Variants in AFF3 observed in about 807,000 individuals in gnomAD.
AFF3 encodes AF4/FMR2 family member 3.
In AFF3, 32 loss-of-function variants were observed where a neutral mutation model predicts 129.7. The ratio of observed to expected loss-of-function variants is 0.25; its 90% confidence interval spans 0.19 to 0.33. The LOEUF (loss-of-function observed/expected upper bound fraction) is 0.33, where lower values mean the gene tolerates loss of function less well. Ranked by LOEUF, AFF3 falls within the 10% of genes least tolerant of loss-of-function variation. The pLI, the probability that AFF3 is intolerant of heterozygous loss-of-function variation, is 1.00. For synonymous variants in AFF3, 644 were observed against 635.4 expected (o/e 1.01, Z -0.20); for missense variants, 1,373 against 1,592.0 (o/e 0.86, Z 2.34).
intron 11 of AFF3, among the ~76,000 whole-genome samples, chr2:99,722,114 T>C (rs1332954673): frequency 6.6e-6 from 1 of 152,240 alleles, no homozygotes; most frequent in Admixed American, 6.5e-5. Flanking sequence ...TTGGTTTCCA[T>C]TATCCTGCTG....
intron 4 of AFF3, among the ~76,000 whole-genome samples, chr2:100,047,870 G>A (rs1685964467): frequency 6.6e-6 from 1 of 152,156 alleles, no homozygotes; most frequent in African/African-American, 2.4e-5. Flanking sequence ...AACAAACACT[G>A]ATTCAAGGCA....
chr2:99,559,424 AC>A (rs1180690687), intron 21 of AFF3, among the ~76,000 whole-genome samples: 10 of 152,208 alleles, frequency 6.6e-5, no homozygotes, highest in Non-Finnish European at 1.3e-4. Context: ...TACTTTATAA[AC>A]AACAAAAACA....
intron 4 of AFF3, among the ~76,000 whole-genome samples, chr2:100,028,480 A>G (rs769073408): frequency 6.6e-6 from 1 of 151,564 alleles, no homozygotes; most frequent in East Asian, 1.9e-4. Flanking sequence ...GACACAGGAA[A>G]GGCTCATAAT....
At chr2:99,821,046 T>C (rs1687639282) in intron 8 of AFF3, among the ~76,000 whole-genome samples, 1 of 151,926 alleles carries the variant, frequency 6.6e-6, no homozygotes, top group Admixed American at 6.6e-5. Flanking sequence ...CTGATTTTTG[T>C]ATTTTTAGTA....
At chr2:100,014,972 T>A (rs1358331279) in intron 4 of AFF3, among the ~76,000 whole-genome samples, 1 of 133,686 alleles carries the variant, frequency 7.5e-6, no homozygotes, top group Non-Finnish European at 1.6e-5. Flanking sequence ...TTTTTTTTTT[T>A]TTTTTGTATA....
At chr2:99,835,987 T>G (rs1558898405) in intron 8 of AFF3, among the ~76,000 whole-genome samples, 1 of 152,194 alleles carries the variant, frequency 6.6e-6, no homozygotes, top group Non-Finnish European at 1.5e-5. Context: ...TGACACTCAG[T>G]TTTATTCAAA....
At position 100,104,464 on chromosome 2, in the gene AFF3, T is replaced by A; in HGVS notation, c.-10A>T. The A allele has an allele frequency of 7.6e-7, 1 of 1,308,976 alleles. No homozygotes were observed. Among genetic ancestry groups the A allele is most frequent in the Non-Finnish European group, 1.0e-6 (1 of 1,004,894 alleles). The allele number at this position is 1,308,976 out of a possible 1,614,324, so 81.1% of individuals were successfully genotyped here. ...AGTCGAAGCTGTCCATGGTGGGAGGTGTCAGCGTCGCCGCCGCCGCTACCG... is the reference window on the plus strand; with the variant it reads ...AGTCGAAGCTGTCCATGGTGGGAGGAGTCAGCGTCGCCGCCGCCGCTACCG... On this transcript the variant is annotated 5_prime_UTR_variant, in exon 4 of 25. Coordinates refer to ENST00000672756, the MANE Select transcript of AFF3 (RefSeq NM_001386135.1).
intron 9 of AFF3, among the ~76,000 whole-genome samples, chr2:99,745,135 T>C (rs538724480): frequency 2.0e-5 from 3 of 152,356 alleles, no homozygotes; most frequent in East Asian, 1.9e-4. Flanking sequence ...ACTAATGATG[T>C]TGAGCATCTT....
At chr2:99,608,427 T>C (rs1054810566) in intron 13 of AFF3, among the ~76,000 whole-genome samples, 2 of 152,226 alleles carry the variant, frequency 1.3e-5, no homozygotes, top group South Asian at 2.1e-4. Context: ...AATTTATCCA[T>C]GCAATGTATT....
At chr2:99,949,348 A>G (rs923004024) in intron 7 of AFF3, among the ~76,000 whole-genome samples, 4 of 152,154 alleles carry the variant, frequency 2.6e-5, no homozygotes, top group African/African-American at 7.2e-5. Context: ...GCAGTCCCCA[A>G]TCTTTTTGGC....
chr2:99,876,218 T>A (rs1692284998), intron 7 of AFF3, among the ~76,000 whole-genome samples: 1 of 152,338 alleles, frequency 6.6e-6, no homozygotes, highest in African/African-American at 2.4e-5. Flanking sequence ...GTCCTGAATG[T>A]GCATCTCCAG....
intron 11 of AFF3, among the ~76,000 whole-genome samples, chr2:99,686,317 C>T (rs1405714498): frequency 2.0e-5 from 3 of 152,188 alleles, no homozygotes; most frequent in African/African-American, 7.2e-5. Flanking sequence ...AGAGCCAACA[C>T]CAAATAACAC....
At chr2:99,994,121 TA>T (rs111827633) in intron 7 of AFF3, among the ~76,000 whole-genome samples, 3 of 151,406 alleles carry the variant, frequency 2.0e-5, no homozygotes, top group African/African-American at 4.9e-5. Context: ...TAATCTTTTT[TA>T]AAAAAAAATT....
At chr2:100,106,686 G>T in intron 2 of AFF3, 1 of 986,140 alleles carries the variant, frequency 1.0e-6, no homozygotes, top group African/African-American at 1.7e-5. Context: ...CTTCAGAAAG[G>T]AGACCTCCCG....
chr2:99,926,955 C>T (rs1285462459), intron 7 of AFF3, among the ~76,000 whole-genome samples: 1 of 152,144 alleles, frequency 6.6e-6, no homozygotes, highest in African/African-American at 2.4e-5. Context: ...CCAAGTGATG[C>T]CAATCCTGGT....
intron 4 of AFF3, among the ~76,000 whole-genome samples, chr2:100,050,705 C>G (rs927485281): frequency 4.6e-5 from 7 of 152,144 alleles, no homozygotes; most frequent in Admixed American, 2.0e-4. Flanking sequence ...TTTGTCTGAC[C>G]GAGAGAAATC....
intron 7 of AFF3, among the ~76,000 whole-genome samples, chr2:99,899,860 G>A (rs1694225889): frequency 6.6e-6 from 1 of 152,194 alleles, no homozygotes; most frequent in Non-Finnish European, 1.5e-5. Context: ...GGTCTCCAAG[G>A]TAGACACATG....
At chr2:99,692,250 G>A (rs1446707604) in intron 11 of AFF3, among the ~76,000 whole-genome samples, 3 of 152,176 alleles carry the variant, frequency 2.0e-5, no homozygotes, top group Non-Finnish European at 4.4e-5. Context: ...CCAAGGCCCA[G>A]GAAAGCCCCA....
At chr2:99,803,395 C>T (rs1233513563) in intron 8 of AFF3, among the ~76,000 whole-genome samples, 2 of 151,946 alleles carry the variant, frequency 1.3e-5, no homozygotes, top group Non-Finnish European at 2.9e-5. Context: ...AAGATCTCTA[C>T]AAGGGGAGCT....
Sources: allele counts gnomAD v4.1 joint callset (sites outside exome capture counted in the v4.1 genomes callset), GRCh38; gene constraint gnomAD v4.1.1; transcripts MANE v1.5; gene names NCBI Gene and HGNC (gene_info 2026-07-23, HGNC 2026-07-21).